PI4K2B: variants seen among roughly 807,000 people sequenced by gnomAD.
PI4K2B encodes the protein phosphatidylinositol 4-kinase type 2-beta.
Under a neutral mutation model 56.6 loss-of-function variants are expected in PI4K2B, and 46 were observed. The ratio of observed to expected loss-of-function variants is 0.81; its 90% CI spans 0.64 to 1.04. The LOEUF is 1.04. Ranked by LOEUF, PI4K2B falls within the 50% of genes least tolerant of loss-of-function variation. The pLI, the probability that PI4K2B is intolerant of heterozygous loss-of-function variation, is 0.00. For synonymous variants in PI4K2B, 211 were observed against 223.8 expected (o/e 0.94, Z 0.51); for missense variants, 556 against 607.7 (o/e 0.91, Z 0.89).
intron 9 of PI4K2B, among the ~76,000 whole-genome samples, chr4:25,269,737 A>G (rs1229884326): frequency 4.6e-5 from 7 of 151,354 alleles, no homozygotes; most frequent in Non-Finnish European, 1.0e-4. Flanking sequence ...TTTTTGAGAC[A>G]GAGTCTCGCT....
At chr4:25,253,544 G>A (rs368633035) in intron 2 of PI4K2B, among the ~76,000 whole-genome samples, 21 of 152,168 alleles carry the variant, frequency 1.4e-4, no homozygotes, top group African/African-American at 3.6e-4. Context: ...TTCTAAGCTT[G>A]ATTTCTTAAT....
chr4:25,255,002 A>G, intron 2 of PI4K2B, 63 bp from the exon 3 acceptor site: 1 of 1,100,970 alleles, frequency 9.1e-7, no homozygotes, highest in Admixed American at 2.0e-5. Flanking sequence ...ATTAGAATGC[A>G]TTTTATGGAT....
chr4:25,268,915 T>C (rs1398027909), intron 8 of PI4K2B, among the ~76,000 whole-genome samples: 1 of 152,206 alleles, frequency 6.6e-6, no homozygotes, highest in Non-Finnish European at 1.5e-5. Flanking sequence ...GGCTGGAAAG[T>C]CATGTTAAAT....
At chr4:25,263,213 G>T (rs1360821553) in intron 6 of PI4K2B, among the ~76,000 whole-genome samples, 2 of 152,088 alleles carry the variant, frequency 1.3e-5, no homozygotes, top group Non-Finnish European at 2.9e-5. Context: ...GATTTTGGGT[G>T]GGGACACAGC....
chr4:25,240,491 G>T (rs1715469298), intron 1 of PI4K2B, among the ~76,000 whole-genome samples: 1 of 152,142 alleles, frequency 6.6e-6, no homozygotes, highest in Non-Finnish European at 1.5e-5. Flanking sequence ...ATAAGTAGGG[G>T]TATTAATTGT....
intron 1 of PI4K2B, among the ~76,000 whole-genome samples, chr4:25,244,198 C>T (rs1159370598): frequency 6.6e-6 from 1 of 152,168 alleles, no homozygotes; most frequent in Non-Finnish European, 1.5e-5. Flanking sequence ...AAATTCCCCT[C>T]CCCCTACAGC....
In PI4K2B at chr4:25,239,957, A is replaced by T. The variant is rs147920317; in HGVS notation, c.268+5526A>T. The stretch of plus-strand genomic sequence containing the variant: ...AGTAAAAGTGCCAGCAGGTTGGTCC[A>T]GGGGTCCTCAGTAGAATTTGTTAGT... On this transcript the variant is annotated intron_variant, in intron 1 of 9. Transcript: ENST00000264864. 4.2e-3 allele frequency among the ~76,000 whole-genome samples: 641 copies of T among 152,352 alleles called. 5 individuals carry two copies. The highest frequency in any genetic ancestry group is 0.015 in the African/African-American group (608 of 41,586).
chr4:25,273,141 TTA>T (rs1040011317), intron 9 of PI4K2B, among the ~76,000 whole-genome samples: 1 of 152,090 alleles, frequency 6.6e-6, no homozygotes, highest in African/African-American at 2.4e-5. Flanking sequence ...TTTTTTTTTT[TTA>T]ATTCAGAGCT....
intron 9 of PI4K2B, among the ~76,000 whole-genome samples, chr4:25,271,651 G>T (rs1355381821): frequency 6.6e-6 from 1 of 152,096 alleles, no homozygotes; most frequent in Non-Finnish European, 1.5e-5. Context: ...AGATAAATAT[G>T]CCTTGATTTG....
At position 25,252,346 on chromosome 4, in the gene PI4K2B, T is replaced by G. The variant is rs200989720; in HGVS notation, c.294T>G (p.Asn98Lys). 23 of 1,610,514 alleles carry G rather than the reference T, an allele frequency of 1.4e-5. No individual in the cohort carries two copies. In the Admixed American group the frequency reaches 3.2e-4, roughly 22 times the overall value. Reference protein sequence around the residue: ...VSVTIGTSEMNAFLDDPEFAD... With the variant: ...VSVTIGTSEMKAFLDDPEFAD... Reference sequence around the variant, plus strand: ...TAACTATTGGTACTTCAGAGATGAATGCATTCTTGGATGACCCAGAATTTG... The same window carrying G: ...TAACTATTGGTACTTCAGAGATGAAGGCATTCTTGGATGACCCAGAATTTG... The change falls in exon 2 of 10, where the codon AAT becomes AAG. Residue 98 changes from asparagine to lysine, a missense_variant. Transcript: ENST00000264864.
chr4:25,264,075 C>T (rs1716579182), intron 7 of PI4K2B, among the ~76,000 whole-genome samples: 1 of 151,996 alleles, frequency 6.6e-6, no homozygotes. Context: ...TTTGTGTTAT[C>T]CTTGGAAAAT....
chr4:25,257,403 G>A (rs1292113565), intron 4 of PI4K2B, among the ~76,000 whole-genome samples: 1 of 152,082 alleles, frequency 6.6e-6, no homozygotes, highest in Non-Finnish European at 1.5e-5. Context: ...AAATGAGAAT[G>A]ACAAAAACTA....
intron 4 of PI4K2B, among the ~76,000 whole-genome samples, chr4:25,257,308 C>A (rs779895319): frequency 8.5e-5 from 13 of 152,098 alleles, no homozygotes; most frequent in Non-Finnish European, 1.0e-4. Context: ...GCAATCCTCT[C>A]GCTTTGGCCT....
intron 1 of PI4K2B, among the ~76,000 whole-genome samples, chr4:25,245,983 G>A (rs1715751453): frequency 6.6e-6 from 1 of 152,092 alleles, no homozygotes; most frequent in Admixed American, 6.5e-5. Flanking sequence ...CTCCCAATGA[G>A]TGTTACAGTT....
rs1456037984 is a variant in PI4K2B, at chr4:25,234,416, C to T, written c.253C>T (p.Arg85Cys). The stretch of plus-strand genomic sequence containing the variant: ...TTCGTCCGCCGAGCTGGACCGGAGC[C>T]GCCCCGCGGTTTCAGGTGCGACCCG... The part of the protein sequence containing the change: ...RSSSAELDRS[R>C]PAVSVTIGTS... The change falls in exon 1 of 10, where the codon CGC (arginine) becomes TGC (cysteine). Residue 85 changes from arginine to cysteine, a missense_variant. Arg to Cys is a radical substitution (Grantham distance 180). Transcript: ENST00000264864. The T allele has an allele frequency of 7.4e-7, 1 of 1,354,624 alleles. No homozygotes were observed. Among genetic ancestry groups the T allele is most frequent in the Non-Finnish European group, 9.5e-7 (1 of 1,052,266 alleles). The allele number at this position is 1,354,624 out of a possible 1,614,324, so 83.9% of individuals were successfully genotyped here. A position where few individuals can be genotyped will look rare whatever the true frequency, so the allele number is the denominator to read the frequency against.
intron 7 of PI4K2B, among the ~76,000 whole-genome samples, chr4:25,266,745 T>C (rs1716676038): frequency 6.6e-6 from 1 of 152,224 alleles, no homozygotes; most frequent in African/African-American, 2.4e-5. Context: ...TCTTTTTCTT[T>C]TTCTTTCTTT....
Position 25,252,430 on chromosome 4 carries a change from C to G in PI4K2B, c.378C>G (p.Ile126Met), listed in dbSNP as rs1368033192. ...AAGTTGGAATTTTTCCAGAAAGAAT[C>G]TCTCAAGGTTCAAGTGGAAGTTACT... is the stretch of plus-strand genomic sequence containing the variant. Reference protein sequence around the residue: ...AIEVGIFPERISQGSSGSYFV... With the variant: ...AIEVGIFPERMSQGSSGSYFV... The change falls in exon 2 of 10, where the codon ATC (isoleucine) becomes ATG (methionine). Residue 126 changes from isoleucine to methionine, a missense_variant. Coordinates refer to ENST00000264864, the MANE Select transcript of PI4K2B (RefSeq NM_018323.4). 5 of 1,611,520 alleles carry G rather than the reference C, an allele frequency of 3.1e-6. No homozygotes were observed.
intron 9 of PI4K2B, among the ~76,000 whole-genome samples, chr4:25,270,926 A>G (rs1716865888): frequency 2.0e-5 from 3 of 152,262 alleles, no homozygotes; most frequent in South Asian, 4.1e-4. Context: ...ACAAGTCCAT[A>G]TAATTACACA....
chr4:25,246,733 C>T lies in PI4K2B; in HGVS notation c.269-5588C>T, dbSNP rs1011134465. Among the ~76,000 whole-genome samples, 5 of 152,352 alleles carry T rather than the reference C, an allele frequency of 3.3e-5. No individual in the cohort carries two copies. In the East Asian group the frequency reaches 5.8e-4, roughly 18 times the overall value. ...GAGCCCACGGCGGCGGGGGGAGGCT[C>T]AGGCATGGCCGGCTGCAGGTCCCGA... On this transcript the variant is annotated intron_variant, in intron 1 of 9. Transcript: ENST00000264864.
Sources: allele counts gnomAD v4.1 joint callset (sites outside exome capture counted in the v4.1 genomes callset), GRCh38; gene constraint gnomAD v4.1.1; transcripts MANE v1.5; gene names NCBI Gene and HGNC (gene_info 2026-07-23, HGNC 2026-07-21).